The following MYT1 variants were observed in gnomAD, a reference collection of about 807,000 sequenced individuals.
The protein encoded by MYT1 is myelin transcription factor I.
Under a neutral mutation model 123.0 loss-of-function variants are expected in MYT1, and 23 were observed. That is an observed-to-expected ratio of 0.19 (90% CI 0.13 to 0.26). The LOEUF (loss-of-function observed/expected upper bound fraction) is 0.26. Ranked by LOEUF, MYT1 falls within the 10% of genes least tolerant of loss-of-function variation. The pLI is 1.00. For synonymous variants in MYT1, 518 were observed against 575.3 expected, an observed-to-expected ratio of 0.90 and a Z score of 1.43; for missense variants, 1,125 against 1,472.5, an observed-to-expected ratio of 0.76 and a Z score of 3.86.
rs1458855051 is a variant in MYT1, at chr20:64,186,549, A to C, written c.-98-3514A>C. Among the ~76,000 whole-genome samples, 3 of 152,210 alleles carry C rather than the reference A, an allele frequency of 2.0e-5. No homozygotes were observed. Among genetic ancestry groups the C allele is most frequent in the Non-Finnish European group, 4.4e-5 (3 of 68,030 alleles). ...AGGCTCCGTCCACACATGTCTCTCC[A>C]TCTCCAAATAATTCTTCCCCTCCCA... is the stretch of plus-strand genomic sequence containing the variant. On this transcript the variant is annotated intron_variant, in intron 1 of 22. Coordinates refer to ENST00000328439, the MANE Select transcript of MYT1 (RefSeq NM_004535.3). This position sits in a 1 kb window ranked among gnomAD's most constrained non-coding sequence, Gnocchi z 4.3.
At chr20:64,226,312 C>T (rs2427620) in intron 16 of MYT1, among the ~76,000 whole-genome samples, 57,957 of 152,270 alleles carry the variant, frequency 0.38, 12,705 homozygotes, top group African/African-American at 0.59. Flanking sequence ...TGTGCCGCCA[C>T]AGCCCTTTGG....
At chr20:64,183,676 C>G (rs552709273) in intron 1 of MYT1, among the ~76,000 whole-genome samples, 3 of 152,254 alleles carry the variant, frequency 2.0e-5, no homozygotes, top group Admixed American at 2.0e-4. Context: ...TGTTCAAGTC[C>G]TCTGCTCATT....
intron 1 of MYT1, among the ~76,000 whole-genome samples, chr20:64,180,429 T>C (rs1982618933): frequency 2.0e-5 from 3 of 152,246 alleles, no homozygotes; most frequent in African/African-American, 7.2e-5. Context: ...ATGTGTTTAC[T>C]TCTTTGATCC....
At chr20:64,164,855 C>T (rs1982036474) in intron 1 of MYT1, 116 bp downstream of exon 1, 1 of 152,112 alleles carries the variant, frequency 6.6e-6, no homozygotes, top group South Asian at 2.1e-4. Flanking sequence ...GATGAAGGCT[C>T]TGTTTGCAGG....
intron 16 of MYT1, among the ~76,000 whole-genome samples, chr20:64,225,655 C>A (rs1186460271): frequency 1.3e-5 from 2 of 152,130 alleles, no homozygotes; most frequent in Non-Finnish European, 2.9e-5. Flanking sequence ...CCCTTCTGCC[C>A]AGATGGGGCA....
At position 64,232,904 on chromosome 20, in the gene MYT1, G is replaced by A. The variant is rs6011353; in HGVS notation, c.2897+519G>A. ...GGGAGCTGGTAACCCCTCTCTGTCA[G>A]GCAGTGGGCCTGGGCAGCATTCACC... On this transcript the variant is annotated intron_variant, in intron 19 of 22. Coordinates refer to ENST00000328439, the MANE Select transcript of MYT1 (RefSeq NM_004535.3). This position sits in a 1 kb window ranked among gnomAD's most constrained non-coding sequence, Gnocchi z 6.9. Among the ~76,000 whole-genome samples, 8 of 151,922 alleles carry A rather than the reference G, an allele frequency of 5.3e-5. No homozygotes were observed. Among genetic ancestry groups the A allele is most frequent in the African/African-American group, 1.7e-4 (7 of 41,338 alleles).
In MYT1 at chr20:64,239,806, A is replaced by G. The variant is rs142888711; in HGVS notation, c.3140A>G (p.Lys1047Arg). 6.2e-7 allele frequency: 1 copy of G among 1,614,006 alleles called. No homozygotes were observed. The highest frequency in any genetic ancestry group is 1.1e-5 in the South Asian group (1 of 91,082). Residue 1047 changes from lysine (K) to arginine (R), a missense_variant, in exon 22 of 23, where the codon AAG (lysine) becomes AGG (arginine). By Grantham distance (26) the Lys-to-Arg change is conservative. Coordinates refer to ENST00000328439, the MANE Select transcript of MYT1 (RefSeq NM_004535.3). ...KNLKNIEEEN[K>R]LIEEQNEALF... Reference sequence around the variant, plus strand: ...CTGAAGAACATCGAGGAGGAGAACAAGCTCATTGAGGAGCAGAATGAAGCC... The same window carrying G: ...CTGAAGAACATCGAGGAGGAGAACAGGCTCATTGAGGAGCAGAATGAAGCC...
Position 64,195,453 on chromosome 20 carries a change from T to C in MYT1, c.1-3409T>C, listed in dbSNP as rs566398024. On this transcript the variant is annotated intron_variant, in intron 2 of 22. Coordinates refer to ENST00000328439, the MANE Select transcript of MYT1 (RefSeq NM_004535.3). Reference sequence around the variant, plus strand: ...CTCTGTCGCCTAGGCTGGAGTGCAGTGGTGCAATCTCAGCTCACTGCAACC... The same window carrying C: ...CTCTGTCGCCTAGGCTGGAGTGCAGCGGTGCAATCTCAGCTCACTGCAACC... Among the ~76,000 whole-genome samples the C allele has an allele frequency of 4.3e-5, 6 of 141,138 alleles. 1 individual carries two copies. Among genetic ancestry groups the C allele is most frequent in the Admixed American group, 3.9e-4 (5 of 12,890 alleles). The allele number at this position is 141,138 out of a possible 152,430, so 92.6% of individuals were successfully genotyped here.
chr20:64,215,525 T>G (rs1983811167), intron 10 of MYT1, among the ~76,000 whole-genome samples: 1 of 152,166 alleles, frequency 6.6e-6, no homozygotes, highest in African/African-American at 2.4e-5. Flanking sequence ...GTGTACAGAT[T>G]CTGACTGAAG....
intron 10 of MYT1, among the ~76,000 whole-genome samples, chr20:64,215,662 A>G (rs1419488957): frequency 1.3e-5 from 2 of 151,870 alleles, no homozygotes; most frequent in African/African-American, 2.4e-5. Context: ...ATAACTCACT[A>G]TAACCTCAAA....
chr20:64,170,884 TAGAGAGAGAGAG>T lies in MYT1; in HGVS notation c.-99+6185_-99+6196del, dbSNP rs71197459. Among the ~76,000 whole-genome samples the T allele has an allele frequency of 9.7e-3, 194 of 19,926 alleles. 1 individual carries two copies. Among genetic ancestry groups the T allele is most frequent in the South Asian group, 0.019 (7 of 360 alleles). 13.1% of individuals were successfully genotyped at this position (19,926 alleles called of 152,430 possible). A position where few individuals can be genotyped will look rare whatever the true frequency, so the allele number is the denominator to read the frequency against. ...ATATATATATATATATATATATATATAGAGAGAGAGAGAGAGAGAGAGAGAGAGAGAGAGAGA... is the reference window on the plus strand; with the variant it reads ...ATATATATATATATATATATATATATAGAGAGAGAGAGAGAGAGAGAGAGA... On this transcript the variant is annotated intron_variant, in intron 1 of 22. Coordinates refer to ENST00000328439, the MANE Select transcript of MYT1 (RefSeq NM_004535.3).
intron 18 of MYT1, among the ~76,000 whole-genome samples, chr20:64,230,381 CGG>C (rs1984283363): frequency 6.6e-6 from 1 of 152,126 alleles, no homozygotes; most frequent in African/African-American, 2.4e-5. Flanking sequence ...GGCGTGGTGG[CGG>C]GCGCCTGTAA....
intron 5 of MYT1, 107 bp downstream of exon 5, chr20:64,205,204 C>T: frequency 7.4e-7 from 1 of 1,353,112 alleles, no homozygotes; most frequent in Admixed American, 1.8e-5. Context: ...CTCCCAAGGC[C>T]AGGCTGCTGA....
In MYT1 at chr20:64,213,805, GGCCCCCCA is replaced by G. The variant is rs1568713565; in HGVS notation, c.1631+160_1631+167del. On this transcript the variant is annotated intron_variant, in intron 10 of 22. Transcript: ENST00000328439. This position sits in a 1 kb window ranked among gnomAD's most constrained non-coding sequence, Gnocchi z 5.6. ...TGCATGTGAGTGTGCACATGCCCCG[GGCCCCCCA>G]GGAGCAGAACTGCGGGGCAGTTTTG... Among the ~76,000 whole-genome samples the G allele has an allele frequency of 6.6e-6, 1 of 152,116 alleles. No homozygotes were observed. The highest frequency in any genetic ancestry group is 1.5e-5 in the Non-Finnish European group (1 of 68,020).
chr20:64,227,449 A>G lies in MYT1; in HGVS notation c.2563A>G (p.Ile855Val). The change falls in exon 17 of 23, where the codon ATC (isoleucine) becomes GTC (valine). Residue 855 changes from isoleucine to valine, a missense_variant. Physicochemically the swap from Ile to Val is conservative, Grantham distance 29. Transcript: ENST00000328439. The stretch of plus-strand genomic sequence containing the variant: ...GCCCGGCTGTGACGGCTCTGGCCAC[A>G]TCACAGGGAACTACGCTTCACACCG... ...PTPGCDGSGH[I>V]TGNYASHRSL... The G allele has an allele frequency of 6.2e-7, 1 of 1,612,798 alleles. No individual in the cohort carries two copies. The highest frequency in any genetic ancestry group is 2.2e-5 in the East Asian group (1 of 44,872).
At chr20:64,184,255 C>T (rs111253918) in intron 1 of MYT1, among the ~76,000 whole-genome samples, 3,377 of 152,050 alleles carry the variant, frequency 0.022, 74 homozygotes, top group South Asian at 0.081. Context: ...AGATTTACCG[C>T]GGTGTTTTCT....
At chr20:64,201,940 G>A (rs978436696) in intron 4 of MYT1, among the ~76,000 whole-genome samples, 3 of 139,962 alleles carry the variant, frequency 2.1e-5, no homozygotes, top group Admixed American at 7.1e-5. Flanking sequence ...CCCGCGTGTC[G>A]GGAACCTCTG....
chr20:64,173,563 C>T (rs1982358916), intron 1 of MYT1, among the ~76,000 whole-genome samples: 1 of 145,134 alleles, frequency 6.9e-6, no homozygotes, highest in African/African-American at 2.6e-5. Context: ...GTCCATTTCC[C>T]CTCCCTGACT....
At chr20:64,199,363 AC>A (rs1247689861) in intron 3 of MYT1, among the ~76,000 whole-genome samples, 5 of 152,158 alleles carry the variant, frequency 3.3e-5, no homozygotes, top group Non-Finnish European at 7.4e-5. Context: ...CCCTGGCCAG[AC>A]TTACCTCCCT....
Sources: allele counts gnomAD v4.1 joint callset (sites outside exome capture counted in the v4.1 genomes callset), GRCh38; gene constraint gnomAD v4.1.1; non-coding constraint Gnocchi (gnomAD v3.1); transcripts MANE v1.5; gene names NCBI Gene and HGNC (gene_info 2026-07-23, HGNC 2026-07-21).